GPR139: variants seen among roughly 807,000 people sequenced by gnomAD.
GPR139 encodes the protein G protein-coupled receptor 139.
GPR139 carries 12 observed loss-of-function variants against 25.8 expected under a neutral mutation model. The ratio of observed to expected loss-of-function variants is 0.47; its 90% CI spans 0.30 to 0.75. The LOEUF (loss-of-function observed/expected upper bound fraction) is 0.75, where lower values mean the gene tolerates loss of function less well. GPR139 is among the 30% of genes least tolerant of loss of function. The pLI is 0.07. For synonymous variants in GPR139, 184 were observed against 179.9 expected (o/e 1.02, Z -0.18); for missense variants, 380 against 450.2 (o/e 0.84, Z 1.41).
intron 1 of GPR139, among the ~76,000 whole-genome samples, chr16:20,056,992 A>G (rs2057390786): frequency 6.6e-6 from 1 of 152,198 alleles, no homozygotes; most frequent in Non-Finnish European, 1.5e-5. Flanking sequence ...GGAGAGGGTA[A>G]TGGGGATGAT....
chr16:20,073,379 C>T lies in GPR139; in HGVS notation c.127+111G>A. 1 of 1,500,372 alleles carries T rather than the reference C, an allele frequency of 6.7e-7. No homozygotes were observed. The highest frequency in any genetic ancestry group is 9.0e-7 in the Non-Finnish European group (1 of 1,107,314). 92.9% of individuals were successfully genotyped at this position (1,500,372 alleles called of 1,614,324 possible). A position where few individuals can be genotyped will look rare whatever the true frequency, so the allele number is the denominator to read the frequency against. On this transcript the variant is annotated intron_variant, in intron 1 of 1. Coordinates refer to ENST00000570682, the MANE Select transcript of GPR139 (RefSeq NM_001002911.4). The surrounding 1 kb of genome is among the most constrained non-coding windows in gnomAD (Gnocchi z 4.7). Reference sequence around the variant, plus strand: ...TCCATAGTTGCCCTTAAAGCTTAAACTTTTTCCGAGGGGGCGCCAGGGAAC... The same window carrying T: ...TCCATAGTTGCCCTTAAAGCTTAAATTTTTTCCGAGGGGGCGCCAGGGAAC...
chr16:20,057,983 T>G (rs1402221687), intron 1 of GPR139, among the ~76,000 whole-genome samples: 1 of 152,188 alleles, frequency 6.6e-6, no homozygotes, highest in African/African-American at 2.4e-5. Context: ...TGGCACAAAG[T>G]AGGGCCTCAT....
chr16:20,034,150 C>T (rs138551771), intron 1 of GPR139, among the ~76,000 whole-genome samples: 80 of 152,252 alleles, frequency 5.3e-4, no homozygotes, highest in African/African-American at 1.9e-3. Context: ...TGCTATTTTG[C>T]AACCTAAGTT....
intron 1 of GPR139, among the ~76,000 whole-genome samples, chr16:20,071,471 A>T (rs1398035317): frequency 1.3e-5 from 2 of 152,226 alleles, no homozygotes; most frequent in Non-Finnish European, 2.9e-5. Context: ...CAGAGACTGC[A>T]TCCTAGGACT....
intron 1 of GPR139, among the ~76,000 whole-genome samples, chr16:20,038,657 A>T (rs1309835814): frequency 6.6e-6 from 1 of 152,130 alleles, no homozygotes; most frequent in Non-Finnish European, 1.5e-5. Flanking sequence ...AACATCAGGA[A>T]CATGTAGGAG....
intron 1 of GPR139, among the ~76,000 whole-genome samples, chr16:20,056,775 G>A (rs7193854): frequency 0.12 from 18,768 of 152,150 alleles, 1,308 homozygotes; most frequent in East Asian, 0.27. Flanking sequence ...CTGAAATTGA[G>A]CCCACTTAAG....
intron 1 of GPR139, among the ~76,000 whole-genome samples, chr16:20,041,154 AGGGGAGGGGAGGGGAGGGGAGGGGAGGG>A (rs2057330296): frequency 4.5e-3 from 1 of 224 alleles, no homozygotes; most frequent in Non-Finnish European, 0.01. Context: ...AGGAGACGAG[AGGGGAGGGGAGGGGAGGGGAGGGGAGGG>A]GAGGGGAGGG....
At position 20,036,850 on chromosome 16, in the gene GPR139, C is replaced by T. The variant is rs1044249298; in HGVS notation, c.128-4181G>A. 6.6e-5 allele frequency among the ~76,000 whole-genome samples: 10 copies of T among 152,202 alleles called. No homozygotes were observed. In the East Asian group the frequency reaches 1.4e-3, roughly 21 times the overall value. ...AAAGTGGTTTAAACAGTGTCTGGCA[C>T]GTGAGAAGTGTGGAATGGATGGTAG... is the stretch of plus-strand genomic sequence containing the variant. On this transcript the variant is annotated intron_variant, in intron 1 of 1. Coordinates refer to ENST00000570682, the MANE Select transcript of GPR139 (RefSeq NM_001002911.4).
chr16:20,068,568 C>T (rs1238232253), intron 1 of GPR139, among the ~76,000 whole-genome samples: 1 of 152,150 alleles, frequency 6.6e-6, no homozygotes, highest in East Asian at 1.9e-4. Flanking sequence ...ACCGAAACTA[C>T]TGAATTCCTT....
chr16:20,034,158 G>A (rs1200520376), intron 1 of GPR139, among the ~76,000 whole-genome samples: 3 of 152,034 alleles, frequency 2.0e-5, no homozygotes, highest in Admixed American at 1.3e-4. Context: ...TGCAACCTAA[G>A]TTCTCAGAAA....
intron 1 of GPR139, among the ~76,000 whole-genome samples, chr16:20,047,254 G>T (rs565604351): frequency 1.2e-3 from 181 of 152,114 alleles, no homozygotes; most frequent in Middle Eastern, 3.4e-3. Flanking sequence ...GGGATTACAA[G>T]CACCCACCAC....
chr16:20,054,665 T>C (rs77844398), intron 1 of GPR139, among the ~76,000 whole-genome samples: 15 of 151,634 alleles, frequency 9.9e-5, no homozygotes, highest in South Asian at 2.1e-4. Flanking sequence ...GAGGGTTTAT[T>C]GTACAGATTT....
intron 1 of GPR139, among the ~76,000 whole-genome samples, chr16:20,065,867 G>A (rs1484982349): frequency 7.5e-6 from 1 of 132,720 alleles, no homozygotes; most frequent in Non-Finnish European, 1.5e-5. Flanking sequence ...GTGACACAGT[G>A]AGACTATCTC....
chr16:20,064,997 A>G (rs968741929), intron 1 of GPR139, among the ~76,000 whole-genome samples: 1 of 151,968 alleles, frequency 6.6e-6, no homozygotes. Flanking sequence ...CTTTAGCCAC[A>G]TATTTCTCTG....
At chr16:20,043,034 A>G (rs906005551) in intron 1 of GPR139, among the ~76,000 whole-genome samples, 6 of 152,184 alleles carry the variant, frequency 3.9e-5, no homozygotes, top group African/African-American at 1.4e-4. Context: ...GAAATTAGCA[A>G]AGCAATGGTT....
chr16:20,032,791 C>A, intron 1 of GPR139, 122 bp from the exon 2 acceptor site: 1 of 656,782 alleles, frequency 1.5e-6, no homozygotes, highest in Non-Finnish European at 2.6e-6. Context: ...TGAATCAATG[C>A]TTTTGAGGGA....
At chr16:20,065,969 AATT>A (rs1029456478) in intron 1 of GPR139, among the ~76,000 whole-genome samples, 1 of 152,124 alleles carries the variant, frequency 6.6e-6, no homozygotes, top group African/African-American at 2.4e-5. Context: ...GTGTGTCAGC[AATT>A]ATTAAGAGAA....
At chr16:20,047,712 G>C (rs2057358998) in intron 1 of GPR139, among the ~76,000 whole-genome samples, 1 of 150,902 alleles carries the variant, frequency 6.6e-6, no homozygotes, top group Admixed American at 6.6e-5. Context: ...GATTTAGAAG[G>C]CATGTCCTAG....
chr16:20,035,271 A>G lies in GPR139; in HGVS notation c.128-2602T>C, dbSNP rs149987844. On this transcript the variant is annotated intron_variant, in intron 1 of 1. Coordinates refer to ENST00000570682, the MANE Select transcript of GPR139 (RefSeq NM_001002911.4). ...TAATTAGCCAGGATTCAATCCCAGG[A>G]CCAACATCCATGCTCAAAACCAGTC... Among the ~76,000 whole-genome samples, 4 of 152,316 alleles carry G rather than the reference A, an allele frequency of 2.6e-5. No homozygotes were observed. The East Asian group carries it at 7.7e-4, about 29-fold the overall frequency.
Sources: allele counts gnomAD v4.1 joint callset (sites outside exome capture counted in the v4.1 genomes callset), GRCh38; gene constraint gnomAD v4.1.1; non-coding constraint Gnocchi (gnomAD v3.1); transcripts MANE v1.5; gene names NCBI Gene and HGNC (gene_info 2026-07-23, HGNC 2026-07-21).